TCERG1L: variants seen among roughly 807,000 people sequenced by gnomAD.
The protein encoded by TCERG1L is transcription elongation regulator 1-like protein.
TCERG1L carries 37 observed loss-of-function variants against 56.3 expected under a neutral mutation model. That is an observed-to-expected ratio of 0.66 (90% CI 0.51 to 0.87). TCERG1L has a LOEUF of 0.87. TCERG1L is among the 40% of genes least tolerant of loss of function. The pLI, the probability that TCERG1L is intolerant of heterozygous loss-of-function variation, is 0.00. For missense variants in TCERG1L, 799 were observed against 774.2 expected, an observed-to-expected ratio of 1.03 and a Z score of -0.38; for synonymous variants, 324 against 326.3, an observed-to-expected ratio of 0.99 and a Z score of 0.08.
rs1313698853 is a variant in TCERG1L, at chr10:131,267,675, GT to G, written c.671-7232del. On this transcript the variant is annotated intron_variant, in intron 3 of 11. Coordinates refer to ENST00000368642, the MANE Select transcript of TCERG1L (RefSeq NM_174937.4). The surrounding 1 kb of genome is among the most constrained non-coding windows in gnomAD (Gnocchi z 4.9). Reference sequence around the variant, plus strand: ...CATGGCAGAGTGTGAGGTTGAAGCTGTGGCAGAGGCTCCAAGCCTCGGAGCA... The same window carrying G: ...CATGGCAGAGTGTGAGGTTGAAGCTGGGCAGAGGCTCCAAGCCTCGGAGCA... 6.6e-6 allele frequency among the ~76,000 whole-genome samples: 1 copy of G among 152,252 alleles called. No homozygotes were observed. The highest frequency in any genetic ancestry group is 1.5e-5 in the Non-Finnish European group (1 of 68,046).
chr10:131,298,406 A>G (rs1365082564), intron 3 of TCERG1L, among the ~76,000 whole-genome samples: 1 of 152,118 alleles, frequency 6.6e-6, no homozygotes, highest in Non-Finnish European at 1.5e-5. Context: ...GTGGTCGGAA[A>G]ATAAATTGTG....
rs568648694 is a variant in TCERG1L, at chr10:131,306,491, T to C, written c.670+1720A>G. On this transcript the variant is annotated intron_variant, in intron 3 of 11. Coordinates refer to ENST00000368642, the MANE Select transcript of TCERG1L (RefSeq NM_174937.4). Reference sequence around the variant, plus strand: ...TAGACTAGGTTAGAATGAAAGGTTGTTCTGCTATTTATCATGTTTATAAGA... The same window carrying C: ...TAGACTAGGTTAGAATGAAAGGTTGCTCTGCTATTTATCATGTTTATAAGA... 2.0e-5 allele frequency among the ~76,000 whole-genome samples: 3 copies of C among 152,220 alleles called. No homozygotes were observed. The East Asian group carries it at 5.8e-4, about 29-fold the overall frequency.
chr10:131,279,691 G>A (rs777744518), intron 3 of TCERG1L, among the ~76,000 whole-genome samples: 164 of 152,304 alleles, frequency 1.1e-3, no homozygotes, highest in Admixed American at 2.2e-3. Context: ...CCAGCCGCCC[G>A]GTGAGGATGG....
chr10:131,158,905 C>A (rs1023953385), intron 6 of TCERG1L, among the ~76,000 whole-genome samples: 1 of 152,230 alleles, frequency 6.6e-6, no homozygotes, highest in Non-Finnish European at 1.5e-5. Context: ...GCTTCCTCTG[C>A]GGCCATGCCT....
At chr10:131,304,171 C>T (rs2033790) in intron 3 of TCERG1L, among the ~76,000 whole-genome samples, 29,636 of 151,974 alleles carry the variant, frequency 0.2, 3,816 homozygotes, top group Non-Finnish European at 0.28. Context: ...GGGACATGGA[C>T]AACTTTTACA....
At chr10:131,288,087 C>CGT (rs1846565413) in intron 3 of TCERG1L, among the ~76,000 whole-genome samples, 1 of 152,134 alleles carries the variant, frequency 6.6e-6, no homozygotes, top group South Asian at 2.1e-4. Context: ...GAACTGGGGA[C>CGT]CTGTGACGAT....
chr10:131,094,079 A>G (rs898160626), intron 11 of TCERG1L, among the ~76,000 whole-genome samples: 1 of 152,240 alleles, frequency 6.6e-6, no homozygotes, highest in South Asian at 2.1e-4. Flanking sequence ...TCTCAAGGCT[A>G]CGGCAGCTTA....
intron 4 of TCERG1L, among the ~76,000 whole-genome samples, chr10:131,180,194 A>C (rs571938769): frequency 6.6e-6 from 1 of 152,194 alleles, no homozygotes; most frequent in Non-Finnish European, 1.5e-5. Context: ...ATAAAGAAGA[A>C]TCTATATGAT....
intron 4 of TCERG1L, among the ~76,000 whole-genome samples, chr10:131,206,832 G>T (rs1434007121): frequency 6.6e-6 from 1 of 152,110 alleles, no homozygotes; most frequent in South Asian, 2.1e-4. Flanking sequence ...AGAGGGTGGG[G>T]TGCGTCCAGG....
At chr10:131,134,311 C>CT (rs1845651199) in intron 8 of TCERG1L, 68 bp downstream of exon 8, 1 of 1,415,346 alleles carries the variant, frequency 7.1e-7, no homozygotes, top group Non-Finnish European at 9.7e-7. Context: ...AAAATGATGC[C>CT]TTTTCTTTCT....
At chr10:131,176,904 T>G (rs1291359478) in intron 4 of TCERG1L, among the ~76,000 whole-genome samples, 18 of 145,444 alleles carry the variant, frequency 1.2e-4, no homozygotes, top group Admixed American at 2.0e-4. Context: ...ACAGACACAT[T>G]CACACACCAA....
chr10:131,141,551 C>G (rs2133410604), intron 7 of TCERG1L, among the ~76,000 whole-genome samples: 1 of 152,270 alleles, frequency 6.6e-6, no homozygotes. Flanking sequence ...GTCACCAGTC[C>G]CTAAATAAAG....
intron 11 of TCERG1L, chr10:131,095,559 C>A (rs192050074): frequency 6.6e-6 from 1 of 152,096 alleles, no homozygotes; most frequent in Non-Finnish European, 1.5e-5. Context: ...AGGATGCCTA[C>A]AGAAAAGTAT....
At chr10:131,176,769 A>ACGGAG (rs1589737617) in intron 4 of TCERG1L, among the ~76,000 whole-genome samples, 15 of 33,092 alleles carry the variant, frequency 4.5e-4, no homozygotes, top group South Asian at 2.2e-3. Flanking sequence ...CACATACACC[A>ACGGAG]AGACACATGG....
chr10:131,146,877 A>C (rs1589728107), intron 6 of TCERG1L, among the ~76,000 whole-genome samples: 2 of 152,206 alleles, frequency 1.3e-5, no homozygotes, highest in African/African-American at 4.8e-5. Context: ...TCTTATCACC[A>C]GCCTTAGACC....
In TCERG1L at chr10:131,191,956, C is replaced by T. The variant is rs1359042473; in HGVS notation, c.857-25071G>A. Among the ~76,000 whole-genome samples the T allele has an allele frequency of 7.3e-5, 10 of 137,590 alleles. 2 individuals are homozygous for T. Among genetic ancestry groups the T allele is most frequent in the Non-Finnish European group, 1.4e-4 (9 of 63,518 alleles). The allele number at this position is 137,590 out of a possible 152,430, so 90.3% of individuals were successfully genotyped here. A position where few individuals can be genotyped will look rare whatever the true frequency, so the allele number is the denominator to read the frequency against. ...ACAACACTGGAAAAACTTTTCTAGA[C>T]ATTGACCTAGGCAAACAATTCCTGA... On this transcript the variant is annotated intron_variant, in intron 4 of 11. Coordinates refer to ENST00000368642, the MANE Select transcript of TCERG1L (RefSeq NM_174937.4).
intron 4 of TCERG1L, among the ~76,000 whole-genome samples, chr10:131,231,287 G>A (rs1420568482): frequency 1.3e-5 from 2 of 152,236 alleles, no homozygotes; most frequent in African/African-American, 4.8e-5. Context: ...TGTGATCATA[G>A]AGCTACGCCA....
chr10:131,241,175 G>A (rs948457497), intron 4 of TCERG1L, among the ~76,000 whole-genome samples: 5 of 150,638 alleles, frequency 3.3e-5, no homozygotes, highest in Non-Finnish European at 7.4e-5. Context: ...CCGCCCGCAC[G>A]CAGAATGGGT....
intron 8 of TCERG1L, among the ~76,000 whole-genome samples, chr10:131,132,374 T>C (rs753190083): frequency 6.6e-6 from 1 of 152,170 alleles, no homozygotes; most frequent in Admixed American, 6.5e-5. Context: ...TGTTTCAAAG[T>C]TGGTTTTCAG....
Sources: gnomAD v4.1 joint callset for allele counts (sites outside exome capture counted in the v4.1 genomes callset) on GRCh38, gnomAD v4.1.1 for gene constraint, Gnocchi (gnomAD v3.1) non-coding constraint, MANE v1.5 for transcripts, NCBI Gene and HGNC (gene_info 2026-07-23, HGNC 2026-07-21) for gene names.